UHRF1: variants seen among roughly 807,000 people sequenced by gnomAD.
UHRF1 encodes the protein ubiquitin like with PHD and ring finger domains 1, also known as E3 ubiquitin-protein ligase UHRF1.
A neutral mutation model predicts 96.5 loss-of-function variants in UHRF1; 9 were observed. The observed-to-expected ratio is 0.09, with a 90% CI of 0.06 to 0.16. The LOEUF (loss-of-function observed/expected upper bound fraction) is 0.16, where lower values mean the gene tolerates loss of function less well. Among genes scored for constraint, UHRF1 ranks in the 10% least tolerant of loss-of-function variants. UHRF1 has a pLI of 1.00. For missense variants in UHRF1, 626 were observed against 1,131.1 expected (o/e 0.55, Z 6.40); for synonymous variants, 455 against 469.9 (o/e 0.97, Z 0.41).
intron 15 of UHRF1, among the ~76,000 whole-genome samples, chr19:4,955,054 CGCTCCCCAGCCCCGGCAACT>C (rs1319687671): frequency 1.3e-5 from 2 of 152,006 alleles, no homozygotes; most frequent in South Asian, 2.1e-4. Flanking sequence ...CCTTGGCACT[CGCTCCCCAGCCCCGGCAACT>C]GCTCCCCAGC....
At chr19:4,931,586 GC>G (rs1276775444) in intron 4 of UHRF1, among the ~76,000 whole-genome samples, 2 of 152,026 alleles carry the variant, frequency 1.3e-5, no homozygotes, top group Non-Finnish European at 2.9e-5. Flanking sequence ...TCCTGCCTCA[GC>G]CTCCCAAGTA....
At chr19:4,905,682 T>C (rs552407053), upstream of UHRF1, among the ~76,000 whole-genome samples, 87 of 152,148 alleles carry the variant, frequency 5.7e-4, no homozygotes, top group African/African-American at 2.0e-3. Context: ...CACATCTGGC[T>C]AATTTTTGTA....
intron 2 of UHRF1, among the ~76,000 whole-genome samples, chr19:4,926,625 C>T (rs944951724): frequency 6.6e-6 from 1 of 152,146 alleles, no homozygotes; most frequent in Middle Eastern, 3.4e-3. Flanking sequence ...ATTAGCTGGG[C>T]ATGGGTGATG....
intron 9 of UHRF1, among the ~76,000 whole-genome samples, chr19:4,945,107 C>T (rs541698150): frequency 6.6e-5 from 10 of 152,186 alleles, no homozygotes; most frequent in Admixed American, 2.6e-4. Context: ...CCTGGGGCAG[C>T]GCTGTATCCC....
At chr19:4,906,716 G>A (rs2032071062), upstream of UHRF1, among the ~76,000 whole-genome samples, 1 of 152,126 alleles carries the variant, frequency 6.6e-6, no homozygotes, top group African/African-American at 2.4e-5. Flanking sequence ...TCATACCACT[G>A]CACTGCAGGC....
intron 5 of UHRF1, among the ~76,000 whole-genome samples, chr19:4,935,429 C>T (rs928324122): frequency 7.2e-5 from 11 of 152,148 alleles, no homozygotes; most frequent in African/African-American, 2.7e-4. Context: ...ATTACCCAGT[C>T]TTTATTATTT....
At chr19:4,958,626 T>A (rs2033916328) in intron 16 of UHRF1, among the ~76,000 whole-genome samples, 1 of 152,204 alleles carries the variant, frequency 6.6e-6, no homozygotes, top group Admixed American at 6.5e-5. Flanking sequence ...AAGCTCAGCA[T>A]CGGAGGGGTT....
chr19:4,948,101 C>CAAAAA (rs545933981), intron 11 of UHRF1, among the ~76,000 whole-genome samples: 13 of 75,692 alleles, frequency 1.7e-4, no homozygotes, highest in African/African-American at 1.8e-4. Context: ...GAGATCTTGT[C>CAAAAA]AAAAAAAAAA....
chr19:4,946,158 C>A (rs995602047), intron 10 of UHRF1, among the ~76,000 whole-genome samples, 193 bp downstream of exon 10: 21 of 152,114 alleles, frequency 1.4e-4, no homozygotes, highest in African/African-American at 4.8e-4. Context: ...CAAACTGAAA[C>A]GTTGTCTCCA....
chr19:4,928,343 G>A (rs886364825), intron 2 of UHRF1, among the ~76,000 whole-genome samples: 1 of 151,982 alleles, frequency 6.6e-6, no homozygotes, highest in Admixed American at 6.6e-5. Context: ...GGGGGTCCTA[G>A]ATGGCAAACC....
chr19:4,916,177 A>G (rs545121556), intron 2 of UHRF1, among the ~76,000 whole-genome samples: 11 of 152,166 alleles, frequency 7.2e-5, no homozygotes, highest in Non-Finnish European at 1.3e-4. Flanking sequence ...ATGGTGGCGC[A>G]TGCCTGTAGT....
intron 5 of UHRF1, among the ~76,000 whole-genome samples, chr19:4,935,875 C>T (rs2033201023): frequency 6.6e-6 from 1 of 152,166 alleles, no homozygotes; most frequent in African/African-American, 2.4e-5. Flanking sequence ...AGTTATACAC[C>T]AGCTGCTGCC....
At chr19:4,960,594 G>A (rs1599308986) in intron 16 of UHRF1, 63 bp from the exon 17 acceptor site, 1 of 1,580,336 alleles carries the variant, frequency 6.3e-7, no homozygotes, top group East Asian at 2.3e-5. Flanking sequence ...TCCTGGGAGA[G>A]GTGGCCAGGA....
chr19:4,925,187 C>G (rs1173945674), intron 2 of UHRF1, among the ~76,000 whole-genome samples: 1 of 152,134 alleles, frequency 6.6e-6, no homozygotes, highest in Non-Finnish European at 1.5e-5. Flanking sequence ...TTAAAGTACA[C>G]AGTTGAGGTA....
At chr19:4,911,105 C>A in intron 2 of UHRF1, 67 bp downstream of exon 2, 2 of 1,396,066 alleles carry the variant, frequency 1.4e-6, no homozygotes, top group South Asian at 1.6e-5. Flanking sequence ...AGCCACCAGC[C>A]GATACTTTCT....
Position 4,954,477 on chromosome 19 carries a change from G to A in UHRF1, c.1946G>A (p.Arg649Gln), listed in dbSNP as rs779633431. The A allele has an allele frequency of 5.0e-6, 8 of 1,609,054 alleles. No homozygotes were observed. The highest frequency in any genetic ancestry group is 4.4e-5 in the South Asian group (4 of 90,962). ...AGGACGGGCAAGGGCAAGTGGAAGC[G>A]GAAGTCGGCAGGTGAGAATCTCGTG... Reference protein sequence around the residue: ...SPRTGKGKWKRKSAGGGPSRA... With the variant: ...SPRTGKGKWKQKSAGGGPSRA... Residue 649 changes from arginine to glutamine, a missense_variant, in exon 14 of 17, where the codon CGG becomes CAG. Physicochemically the swap from Arg to Gln is conservative, Grantham distance 43. This residue lies in a region of UHRF1 where 90 missense variants were observed against 94.7 expected (regional missense o/e 0.95). Transcript: ENST00000650932. The surrounding 1 kb of genome is among the most constrained non-coding windows in gnomAD (Gnocchi z 5.9).
intron 8 of UHRF1, 27 bp downstream of exon 8, chr19:4,944,282 G>T: frequency 6.2e-7 from 1 of 1,613,818 alleles, no homozygotes; most frequent in South Asian, 1.1e-5. Context: ...CCACGTGCCC[G>T]TGGCCCCTCC....
chr19:4,959,832 G>A (rs891579250), intron 16 of UHRF1, among the ~76,000 whole-genome samples: 3 of 151,492 alleles, frequency 2.0e-5, no homozygotes, highest in Non-Finnish European at 2.9e-5. Flanking sequence ...TTCAGCCTCC[G>A]GAGTAGCCAC....
Position 4,945,741 on chromosome 19 carries a change from G to A in UHRF1, c.1306-120G>A, listed in dbSNP as rs2033544061. 1.2e-5 allele frequency: 9 copies of A among 764,186 alleles called. No homozygotes were observed. In the South Asian group the frequency reaches 1.4e-4, roughly 12 times the overall value. 47.3% of individuals were successfully genotyped at this position (764,186 alleles called of 1,614,324 possible). Reference sequence around the variant, plus strand: ...CACGTAGTAGGTGACTCGCAGGCCTGAGGAGTTTGGTGTAAAAGTGAGGCC... The same window carrying A: ...CACGTAGTAGGTGACTCGCAGGCCTAAGGAGTTTGGTGTAAAAGTGAGGCC... On this transcript the variant is annotated intron_variant, in intron 9 of 16. Transcript: ENST00000650932.
Sources: gnomAD v4.1 joint callset for allele counts (sites outside exome capture counted in the v4.1 genomes callset) on GRCh38, gnomAD v4.1.1 for gene constraint, gnomAD v4.1.1 regional missense constraint, Gnocchi (gnomAD v3.1) non-coding constraint, MANE v1.5 for transcripts, NCBI Gene and HGNC (gene_info 2026-07-23, HGNC 2026-07-21) for gene names.